AGTPBP1: variants seen among roughly 807,000 people sequenced by gnomAD.
The protein encoded by AGTPBP1 is ATP/GTP binding carboxypeptidase 1.
In AGTPBP1, 70 loss-of-function variants were observed where a neutral mutation model predicts 143.9. That is an observed-to-expected ratio of 0.49 (90% CI 0.40 to 0.59). The LOEUF (loss-of-function observed/expected upper bound fraction) is 0.59. Ranked by LOEUF, AGTPBP1 falls within the 20% of genes least tolerant of loss-of-function variation. The pLI, the probability that AGTPBP1 is intolerant of heterozygous loss-of-function variation, is 0.00. For synonymous variants in AGTPBP1, 463 were observed against 500.2 expected, an observed-to-expected ratio of 0.93 and a Z score of 0.99; for missense variants, 1,229 against 1,464.5, an observed-to-expected ratio of 0.84 and a Z score of 2.62.
rs1047326156 is a variant in AGTPBP1, at chr9:85,565,438, T to TA, written c.3503+9876dup. Among the ~76,000 whole-genome samples the TA allele has an allele frequency of 2.7e-5, 4 of 150,762 alleles. No individual in the cohort carries two copies. The South Asian group carries it at 8.4e-4, about 32-fold the overall frequency. On this transcript the variant is annotated intron_variant, in intron 25 of 25. Coordinates refer to ENST00000357081, the MANE Select transcript of AGTPBP1 (RefSeq NM_001330701.2). ...AAAATTATGAAAGGGTGAACTCAAC[T>TA]AAAAAAAAAGTTAGGGGAATTTATA...
At chr9:85,690,738 T>C (rs1278170448) in intron 3 of AGTPBP1, among the ~76,000 whole-genome samples, 1 of 148,220 alleles carries the variant, frequency 6.7e-6, no homozygotes, top group East Asian at 2.0e-4. Context: ...GATAGCAGTA[T>C]GGTCAGGAGT....
intron 1 of AGTPBP1, among the ~76,000 whole-genome samples, chr9:85,725,146 C>T (rs1307544822): frequency 6.6e-6 from 1 of 152,074 alleles, no homozygotes; most frequent in Non-Finnish European, 1.5e-5. Context: ...CAAAAGCTGC[C>T]TGATTATAGA....
intron 7 of AGTPBP1, among the ~76,000 whole-genome samples, chr9:85,672,136 T>A (rs1413017216): frequency 6.6e-6 from 1 of 151,972 alleles, no homozygotes. Flanking sequence ...AATGGCACAA[T>A]CTCAGCTCAT....
At chr9:85,764,779 T>G in the AGTPBP1 span, 1 of 1,299,402 alleles carries the variant, frequency 7.7e-7, no homozygotes, top group Non-Finnish European at 1.1e-6. Context: ...CTGAAAAGAA[T>G]GTGCAGCTCC....
At chr9:85,576,184 C>T (rs1464980402) in intron 24 of AGTPBP1, among the ~76,000 whole-genome samples, 1 of 152,016 alleles carries the variant, frequency 6.6e-6, no homozygotes, top group Non-Finnish European at 1.5e-5. Flanking sequence ...ATAAAAATGG[C>T]CTACAAATTA....
At chr9:85,682,394 TA>T (rs201887206) in intron 3 of AGTPBP1, among the ~76,000 whole-genome samples, 2,543 of 152,274 alleles carry the variant, frequency 0.017, 26 homozygotes, top group Middle Eastern at 0.054. Flanking sequence ...TTCATGGATC[TA>T]AAGATTTAAG....
the AGTPBP1 span, among the ~76,000 whole-genome samples, chr9:85,789,112 C>A: frequency 6.6e-6 from 1 of 151,992 alleles, no homozygotes; most frequent in Non-Finnish European, 1.5e-5. Context: ...TTGTGAGTTG[C>A]TTTCTAAATA....
At position 85,625,682 on chromosome 9, in the gene AGTPBP1, G is replaced by A. The variant is rs1039230919; in HGVS notation, c.2016-4397C>T. On this transcript the variant is annotated intron_variant, in intron 14 of 25. Coordinates refer to ENST00000357081, the MANE Select transcript of AGTPBP1 (RefSeq NM_001330701.2). ...GGGCAGAACACGATGGCAGGAGATC[G>A]AGACCATCCTGGCTAACACAGTGAA... Among the ~76,000 whole-genome samples the A allele has an allele frequency of 7.9e-5, 12 of 151,488 alleles. No homozygotes were observed. In the East Asian group the frequency reaches 1.4e-3, roughly 17 times the overall value.
intron 25 of AGTPBP1, among the ~76,000 whole-genome samples, chr9:85,569,284 C>T (rs1387605263): frequency 6.6e-6 from 1 of 152,152 alleles, no homozygotes; most frequent in Non-Finnish European, 1.5e-5. Flanking sequence ...AATAGTACAA[C>T]ATCCCCCACA....
chr9:85,648,922 A>G (rs939232054), intron 11 of AGTPBP1, among the ~76,000 whole-genome samples: 6 of 152,224 alleles, frequency 3.9e-5, no homozygotes, highest in Admixed American at 3.3e-4. Flanking sequence ...TATGTTTTCA[A>G]TTTTTAGTCA....
chr9:85,630,284 C>G (rs1831571521), intron 14 of AGTPBP1, among the ~76,000 whole-genome samples: 1 of 152,208 alleles, frequency 6.6e-6, no homozygotes, highest in South Asian at 2.1e-4. Flanking sequence ...AACAGTGGGA[C>G]AGAGTTCATC....
At chr9:85,663,802 AATAAAAAAAT>A (rs1297371072) in intron 8 of AGTPBP1, among the ~76,000 whole-genome samples, 1 of 151,070 alleles carries the variant, frequency 6.6e-6, no homozygotes, top group Non-Finnish European at 1.5e-5. Context: ...ATTCAGCAGA[AATAAAAAAAT>A]ATATGACCAT....
chr9:85,759,733 C>A, the AGTPBP1 span, among the ~76,000 whole-genome samples: 1 of 152,102 alleles, frequency 6.6e-6, no homozygotes, highest in African/African-American at 2.4e-5. Flanking sequence ...AGAGCAAACA[C>A]ATTCAAAAGC....
At position 85,661,091 on chromosome 9, in the gene AGTPBP1, C is replaced by G. The variant is rs538918464; in HGVS notation, c.663-118G>C. 4.3e-5 allele frequency: 36 copies of G among 835,216 alleles called. 1 individual carries two copies. In the South Asian group the frequency reaches 7.5e-4, roughly 17 times the overall value. The allele number at this position is 835,216 out of a possible 1,614,324, so 51.7% of individuals were successfully genotyped here. On this transcript the variant is annotated intron_variant, in intron 8 of 25. Coordinates refer to ENST00000357081, the MANE Select transcript of AGTPBP1 (RefSeq NM_001330701.2). ...ATTCTATTATCTATTCCAAAGTTTA[C>G]TCTTGTTTAAGATAATTACACATGG...
intron 13 of AGTPBP1, among the ~76,000 whole-genome samples, chr9:85,638,235 A>G (rs1832211138): frequency 6.6e-6 from 1 of 152,158 alleles, no homozygotes; most frequent in Admixed American, 6.5e-5. Context: ...TTTACTTTAG[A>G]CTTTGATAAA....
chr9:85,733,812 A>C (rs1036419398), intron 1 of AGTPBP1, among the ~76,000 whole-genome samples: 3 of 152,148 alleles, frequency 2.0e-5, no homozygotes, highest in African/African-American at 7.3e-5. Context: ...ATTATAACAG[A>C]GTACTGTGAA....
At position 85,632,818 on chromosome 9, in the gene AGTPBP1, T is replaced by C. The variant is rs202141701; in HGVS notation, c.1859A>G (p.Asp620Gly). The change falls in exon 14 of 26, where the codon GAT (aspartate) becomes GGT (glycine). Residue 620 changes from aspartate (D) to glycine (G), a missense_variant. Transcript: ENST00000357081. ...GTCTGGGTCATGGAGTGTTGGTCCA[T>C]CAGGTACTTCAACCGATGCTTGTTC... ...SVEQASVEVPDGPTLHDPDLY... is the reference protein window; with the variant it reads ...SVEQASVEVPGGPTLHDPDLY... 7 of 1,614,170 alleles carry C rather than the reference T, an allele frequency of 4.3e-6. No homozygotes were observed. Among genetic ancestry groups the C allele is most frequent in the Admixed American group, 1.7e-5 (1 of 60,010 alleles).
chr9:85,670,792 TA>T (rs1834432079), intron 7 of AGTPBP1, among the ~76,000 whole-genome samples: 1 of 152,214 alleles, frequency 6.6e-6, no homozygotes, highest in Non-Finnish European at 1.5e-5. Flanking sequence ...ACCAAAAATG[TA>T]GCTCCTAATA....
chr9:85,621,631 G>A (rs557751191), intron 14 of AGTPBP1, among the ~76,000 whole-genome samples: 1 of 152,020 alleles, frequency 6.6e-6, no homozygotes, highest in East Asian at 1.9e-4. Context: ...ATACATAATA[G>A]CAGCATTACG....
Sources: gnomAD v4.1 joint callset for allele counts (sites outside exome capture counted in the v4.1 genomes callset) on GRCh38, gnomAD v4.1.1 for gene constraint, MANE v1.5 for transcripts, NCBI Gene and HGNC (gene_info 2026-07-23, HGNC 2026-07-21) for gene names.